The following CCDC88C variants were observed in gnomAD, a reference collection of about 807,000 sequenced individuals.
CCDC88C encodes the protein protein Daple.
A neutral mutation model predicts 198.8 loss-of-function variants in CCDC88C; 131 were observed. That is an observed-to-expected ratio of 0.66 (90% CI 0.57 to 0.76). The LOEUF is 0.76. Among genes scored for constraint, CCDC88C ranks in the 30% least tolerant of loss-of-function variants. The probability of loss-of-function intolerance (pLI) is 0.00; values close to 1 mark genes in which losing one functional copy is unlikely to be tolerated. For synonymous variants in CCDC88C, 1,166 were observed against 1,114.7 expected, an observed-to-expected ratio of 1.05 and a Z score of -0.92; for missense variants, 2,553 against 2,631.6, an observed-to-expected ratio of 0.97 and a Z score of 0.65.
At chr14:91,342,631 AGTG>A (rs1375959567) in intron 5 of CCDC88C, among the ~76,000 whole-genome samples, 168 bp from the exon 6 acceptor site, 1 of 152,222 alleles carries the variant, frequency 6.6e-6, no homozygotes, top group East Asian at 1.9e-4. Flanking sequence ...ATGTGTCTCT[AGTG>A]GTTGCCAGGA....
intron 10 of CCDC88C, among the ~76,000 whole-genome samples, chr14:91,337,009 T>A (rs1018160733): frequency 6.6e-6 from 1 of 152,244 alleles, no homozygotes; most frequent in African/African-American, 2.4e-5. Flanking sequence ...CCACTCAATG[T>A]GTGCCAGTAT....
chr14:91,350,577 T>C (rs1470371520), intron 4 of CCDC88C, among the ~76,000 whole-genome samples: 1 of 152,200 alleles, frequency 6.6e-6, no homozygotes, highest in Non-Finnish European at 1.5e-5. Flanking sequence ...TTTCCCTTCC[T>C]GCCCCAAACT....
intron 10 of CCDC88C, 52 bp from the exon 11 acceptor site, chr14:91,326,108 T>C: frequency 6.5e-7 from 1 of 1,547,066 alleles, no homozygotes; most frequent in Non-Finnish European, 8.8e-7. Flanking sequence ...ACCTGGGTCA[T>C]TAGGATGGAA....
intron 10 of CCDC88C, among the ~76,000 whole-genome samples, chr14:91,332,142 G>T (rs1448053480): frequency 6.6e-6 from 1 of 152,192 alleles, no homozygotes; most frequent in East Asian, 1.9e-4. Context: ...CTCCGCTCAG[G>T]ATGCACACAG....
chr14:91,277,993 C>G lies in CCDC88C; in HGVS notation c.4987G>C (p.Ala1663Pro). 6.4e-7 allele frequency: 1 copy of G among 1,569,140 alleles called. No homozygotes were observed. Among genetic ancestry groups the G allele is most frequent in the East Asian group, 2.4e-5 (1 of 42,420 alleles). Reference sequence around the variant, plus strand: ...GTGACCATCTCACTGCTGGGGGAGGCCGAGCAGGGCCGCACTCCGACGTAG... The same window carrying G: ...GTGACCATCTCACTGCTGGGGGAGGGCGAGCAGGGCCGCACTCCGACGTAG... Reference protein sequence around the residue: ...PPYVGVRPCSASPSSEMVTLE... With the variant: ...PPYVGVRPCSPSPSSEMVTLE... The change falls in exon 29 of 30, where the codon GCC becomes CCC. Residue 1663 changes from alanine to proline, a missense_variant. Transcript: ENST00000389857.
chr14:91,333,315 A>C (rs887185425), intron 10 of CCDC88C, among the ~76,000 whole-genome samples: 4 of 152,208 alleles, frequency 2.6e-5, no homozygotes, highest in African/African-American at 9.7e-5. Flanking sequence ...GTATTTTAAC[A>C]TTAACTCTGC....
chr14:91,406,215 T>G (rs1886475467), intron 3 of CCDC88C, among the ~76,000 whole-genome samples: 1 of 152,200 alleles, frequency 6.6e-6, no homozygotes, highest in Non-Finnish European at 1.5e-5. Context: ...GGATGGACCC[T>G]CAGAGTGGCT....
At chr14:91,403,649 G>A (rs879688574) in intron 3 of CCDC88C, among the ~76,000 whole-genome samples, 2 of 152,262 alleles carry the variant, frequency 1.3e-5, no homozygotes, top group African/African-American at 4.8e-5. Context: ...GCCAGACGCC[G>A]TGAGCCTTAC....
At chr14:91,324,585 A>G (rs1892503982) in intron 12 of CCDC88C, among the ~76,000 whole-genome samples, 194 bp downstream of exon 12, 1 of 152,234 alleles carries the variant, frequency 6.6e-6, no homozygotes, top group Non-Finnish European at 1.5e-5. Flanking sequence ...TCCTGACATC[A>G]AGGCTGCCAG....
intron 3 of CCDC88C, among the ~76,000 whole-genome samples, chr14:91,406,957 G>C (rs907061525): frequency 2.0e-5 from 3 of 152,164 alleles, no homozygotes; most frequent in Non-Finnish European, 2.9e-5. Context: ...TGGAACTAAA[G>C]GGATGGGGCT....
At chr14:91,383,494 G>A (rs565384920) in intron 3 of CCDC88C, among the ~76,000 whole-genome samples, 1 of 152,146 alleles carries the variant, frequency 6.6e-6, no homozygotes, top group East Asian at 1.9e-4. Flanking sequence ...CAGGAGGAAG[G>A]GGGTGGAGAA....
In CCDC88C at chr14:91,272,316, G is replaced by GTATA; in HGVS notation, c.*308_*309insTATA. 1 of 392,602 alleles carries GTATA rather than the reference G, an allele frequency of 2.5e-6. No homozygotes were observed. Among genetic ancestry groups the GTATA allele is most frequent in the South Asian group, 2.9e-5 (1 of 34,578 alleles). 24.3% of individuals were successfully genotyped at this position (392,602 alleles called of 1,614,324 possible). A position where few individuals can be genotyped will look rare whatever the true frequency, so the allele number is the denominator to read the frequency against. ...TTCTACTGGGACATACTGGAGTAGTGTCTGCTTTGGGGGAAGTCAGTTTGT... is the reference window on the plus strand; with the variant it reads ...TTCTACTGGGACATACTGGAGTAGTGTATATCTGCTTTGGGGGAAGTCAGTTTGT... On this transcript the variant is annotated 3_prime_UTR_variant, in exon 30 of 30. Transcript: ENST00000389857.
chr14:91,351,732 G>A (rs1035378704), intron 4 of CCDC88C, among the ~76,000 whole-genome samples: 1 of 151,978 alleles, frequency 6.6e-6, no homozygotes, highest in African/African-American at 2.4e-5. Context: ...GGAGCCTCCC[G>A]GGGGCACTCT....
intron 10 of CCDC88C, among the ~76,000 whole-genome samples, chr14:91,329,157 G>T (rs1003505459): frequency 6.6e-6 from 1 of 152,306 alleles, no homozygotes; most frequent in Non-Finnish European, 1.5e-5. Flanking sequence ...GAACTTCACC[G>T]AAGACCTGCC....
At chr14:91,377,912 C>T (rs1386602608) in intron 3 of CCDC88C, among the ~76,000 whole-genome samples, 1 of 151,482 alleles carries the variant, frequency 6.6e-6, no homozygotes, top group Admixed American at 6.6e-5. Context: ...AGGAAGGCTT[C>T]CCAGGAGCAC....
chr14:91,359,972 A>T (rs1006365977), intron 3 of CCDC88C, among the ~76,000 whole-genome samples: 3 of 152,226 alleles, frequency 2.0e-5, no homozygotes, highest in Non-Finnish European at 4.4e-5. Context: ...AAAAAGAAAA[A>T]GCATATTTAA....
At chr14:91,304,615 T>G (rs1009044742) in intron 19 of CCDC88C, among the ~76,000 whole-genome samples, 1 of 151,960 alleles carries the variant, frequency 6.6e-6, no homozygotes, top group South Asian at 2.1e-4. Flanking sequence ...ACCTATTTTC[T>G]AGAACAAGTA....
At chr14:91,293,473 T>TCACCTTCCCATCCTCACCC (rs1890813897) in intron 23 of CCDC88C, among the ~76,000 whole-genome samples, 2 of 1,402 alleles carry the variant, frequency 1.4e-3, no homozygotes, top group African/African-American at 6.6e-3. Flanking sequence ...CATCCTCACC[T>TCACCTTCCCATCCTCACCC]GCCACAGCTC....
chr14:91,319,806 A>G (rs1892269275), intron 13 of CCDC88C, among the ~76,000 whole-genome samples: 1 of 152,184 alleles, frequency 6.6e-6, no homozygotes, highest in Admixed American at 6.5e-5. Flanking sequence ...CGGGTGGGCC[A>G]CCTGAGGTCG....
Sources: gnomAD v4.1 joint callset for allele counts (sites outside exome capture counted in the v4.1 genomes callset) on GRCh38, gnomAD v4.1.1 for gene constraint, MANE v1.5 for transcripts, NCBI Gene and HGNC (gene_info 2026-07-23, HGNC 2026-07-21) for gene names.